CAB39: variants seen among roughly 807,000 people sequenced by gnomAD.
CAB39 encodes calcium binding protein 39, also known as calcium-binding protein 39.
Under a neutral mutation model 40.0 loss-of-function variants are expected in CAB39, and 8 were observed. The ratio of observed to expected loss-of-function variants is 0.20; its 90% CI spans 0.12 to 0.36. The LOEUF (loss-of-function observed/expected upper bound fraction) is 0.36, where lower values mean the gene tolerates loss of function less well. CAB39 is among the 10% of genes least tolerant of loss of function. The pLI, the probability that CAB39 is intolerant of heterozygous loss-of-function variation, is 1.00. For missense variants in CAB39, 270 were observed against 401.1 expected (o/e 0.67, Z 2.79); for synonymous variants, 156 against 141.6 (o/e 1.10, Z -0.72).
chr2:230,715,401 TGTC>T (rs1197053264), intron 1 of CAB39, among the ~76,000 whole-genome samples: 1 of 152,218 alleles, frequency 6.6e-6, no homozygotes, highest in African/African-American at 2.4e-5. Flanking sequence ...GGATGTGTGT[TGTC>T]ATGAGGTGTG....
chr2:230,719,772 C>T (rs1694413706), intron 1 of CAB39, among the ~76,000 whole-genome samples: 1 of 152,152 alleles, frequency 6.6e-6, no homozygotes, highest in Admixed American at 6.5e-5. Flanking sequence ...AGATTGAAAA[C>T]CCCTTAAATT....
intron 2 of CAB39, among the ~76,000 whole-genome samples, chr2:230,785,404 G>A (rs1182788571): frequency 6.6e-6 from 1 of 151,850 alleles, no homozygotes; most frequent in Non-Finnish European, 1.5e-5. Context: ...GGCAGGGGGC[G>A]GTTGTGGAAT....
chr2:230,775,911 G>A (rs1559606411), intron 2 of CAB39, among the ~76,000 whole-genome samples: 1 of 152,038 alleles, frequency 6.6e-6, no homozygotes, highest in East Asian at 1.9e-4. Flanking sequence ...GAGGGACTTG[G>A]GGGCGCAGAT....
chr2:230,729,272 C>A (rs1694643310), intron 1 of CAB39, among the ~76,000 whole-genome samples: 1 of 152,144 alleles, frequency 6.6e-6, no homozygotes, highest in South Asian at 2.1e-4. Flanking sequence ...GTTTTATGAA[C>A]ACTTGAAATC....
At chr2:230,764,076 C>T (rs1279004837) in intron 2 of CAB39, among the ~76,000 whole-genome samples, 7 of 151,950 alleles carry the variant, frequency 4.6e-5, no homozygotes, top group African/African-American at 1.2e-4. Flanking sequence ...GAGCCAAGAT[C>T]GTGCCTCTGT....
chr2:230,768,218 T>A (rs1459799992), intron 2 of CAB39, among the ~76,000 whole-genome samples: 1 of 152,236 alleles, frequency 6.6e-6, no homozygotes, highest in Non-Finnish European at 1.5e-5. Flanking sequence ...AGTTTATATA[T>A]TGAATTTGTG....
intron 1 of CAB39, chr2:230,713,606 C>G (rs1053686698): frequency 6.6e-6 from 1 of 152,330 alleles, no homozygotes; most frequent in Non-Finnish European, 1.5e-5. Flanking sequence ...ACCCGGGCTT[C>G]AGCGCCTCGC....
chr2:230,737,581 G>A (rs1274776829), intron 1 of CAB39, among the ~76,000 whole-genome samples: 2 of 152,138 alleles, frequency 1.3e-5, no homozygotes, highest in African/African-American at 4.8e-5. Flanking sequence ...GCGCTGTCAC[G>A]AATATTTTGT....
chr2:230,720,538 C>T (rs1358731846), intron 1 of CAB39, among the ~76,000 whole-genome samples: 2 of 152,132 alleles, frequency 1.3e-5, no homozygotes, highest in Admixed American at 6.5e-5. Context: ...CGGGTTCAAG[C>T]GATTCTCCTA....
intron 1 of CAB39, among the ~76,000 whole-genome samples, chr2:230,732,732 G>C (rs571689630): frequency 6.6e-6 from 1 of 151,628 alleles, no homozygotes; most frequent in Non-Finnish European, 1.5e-5. Flanking sequence ...TGATTATTCA[G>C]CAATGAGAGC....
chr2:230,725,021 G>A (rs918981277), intron 1 of CAB39: 12 of 1,200,610 alleles, frequency 1.0e-5, no homozygotes, highest in South Asian at 2.6e-5. Flanking sequence ...AAAAGACCCC[G>A]GAGTACGTCG....
At chr2:230,731,691 G>T (rs1040118488) in intron 1 of CAB39, among the ~76,000 whole-genome samples, 2 of 152,056 alleles carry the variant, frequency 1.3e-5, no homozygotes, top group African/African-American at 4.8e-5. Flanking sequence ...TAGACACGGG[G>T]TCTTGCTATG....
intron 1 of CAB39, among the ~76,000 whole-genome samples, chr2:230,720,552 C>T (rs780446130): frequency 1.3e-5 from 2 of 152,164 alleles, no homozygotes; most frequent in Non-Finnish European, 2.9e-5. Context: ...TCTCCTACCT[C>T]AGCTTCCCGA....
chr2:230,814,203 A>T (rs1339685625), intron 7 of CAB39, 89 bp downstream of exon 7: 1 of 669,530 alleles, frequency 1.5e-6, no homozygotes, highest in African/African-American at 1.9e-5. Flanking sequence ...AGGATGGGTC[A>T]TAGACCTTTG....
intron 1 of CAB39, among the ~76,000 whole-genome samples, chr2:230,747,945 A>G (rs1695004698): frequency 6.6e-6 from 1 of 152,190 alleles, no homozygotes; most frequent in Non-Finnish European, 1.5e-5. Context: ...ATACGTCATA[A>G]TACCTAACAG....
At chr2:230,805,423 T>C (rs893319087) in intron 5 of CAB39, among the ~76,000 whole-genome samples, 1 of 151,276 alleles carries the variant, frequency 6.6e-6, no homozygotes, top group East Asian at 1.9e-4. Context: ...CAAAAAAAAA[T>C]GGCTTCTGAG....
chr2:230,770,585 A>G (rs1209065042), intron 2 of CAB39, among the ~76,000 whole-genome samples: 1 of 152,230 alleles, frequency 6.6e-6, no homozygotes, highest in Non-Finnish European at 1.5e-5. Flanking sequence ...TTCTTAACTC[A>G]TTCTGTGAGG....
chr2:230,810,412 A>G (rs1228038800), intron 6 of CAB39, 90 bp downstream of exon 6: 1 of 528,856 alleles, frequency 1.9e-6, no homozygotes, highest in Non-Finnish European at 3.4e-6. Context: ...GTACTAGAAT[A>G]TTTATTTTGC....
chr2:230,772,976 C>G (rs1695511856), intron 2 of CAB39, among the ~76,000 whole-genome samples: 1 of 91,432 alleles, frequency 1.1e-5, no homozygotes, highest in African/African-American at 4.3e-5. Flanking sequence ...GAGTACTACT[C>G]AGCAATAAAA....
Sources: allele counts gnomAD v4.1 joint callset (sites outside exome capture counted in the v4.1 genomes callset), GRCh38; gene constraint gnomAD v4.1.1; transcripts MANE v1.5; gene names NCBI Gene and HGNC (gene_info 2026-07-23, HGNC 2026-07-21).